The following KDM5A variants were observed in gnomAD, a reference collection of about 807,000 sequenced individuals.
KDM5A encodes the protein lysine demethylase 5A.
A neutral mutation model predicts 193.5 loss-of-function variants in KDM5A; 42 were observed. That is an observed-to-expected ratio of 0.22 (90% CI 0.17 to 0.28). The LOEUF (loss-of-function observed/expected upper bound fraction) is 0.28. Among genes scored for constraint, KDM5A ranks in the 10% least tolerant of loss-of-function variants. KDM5A has a pLI of 1.00. For missense variants in KDM5A, 1,692 were observed against 2,055.1 expected (o/e 0.82, Z 3.42); for synonymous variants, 796 against 718.1 (o/e 1.11, Z -1.73).
chr12:352,291 C>G lies in KDM5A; in HGVS notation c.1063G>C (p.Glu355Gln). The G allele has an allele frequency of 1.9e-6, 3 of 1,613,190 alleles. No individual in the cohort carries two copies. Among genetic ancestry groups the G allele is most frequent in the Non-Finnish European group, 2.5e-6 (3 of 1,179,288 alleles). The change falls in exon 9 of 28, where the codon GAA becomes CAA. Residue 355 changes from glutamate (E) to glutamine (Q), a missense_variant. By Grantham distance (29) the Glu-to-Gln change is conservative. Coordinates refer to ENST00000399788, the MANE Select transcript of KDM5A (RefSeq NM_001042603.3). ...CSKPREAFGFEQAVREYTLQS... is the reference protein window; with the variant it reads ...CSKPREAFGFQQAVREYTLQS... ...AGTGTATACTCTCGTACAGCTTGTT[C>G]AAATCCAAAGGCTTCTCGAGGTTTG...
chr12:354,283 A>T, intron 7 of KDM5A, 49 bp from the exon 8 acceptor site: 1 of 1,340,560 alleles, frequency 7.5e-7, no homozygotes, highest in Non-Finnish European at 1.0e-6. Context: ...ATAAATAATA[A>T]ATTTTTACCA....
intron 6 of KDM5A, 43 bp from the exon 7 acceptor site, chr12:355,292 G>T (rs774004347): frequency 3.8e-6 from 4 of 1,065,762 alleles, no homozygotes; most frequent in African/African-American, 1.6e-5. Flanking sequence ...AACCAATGTT[G>T]AGAGCTTACT....
Position 301,943 on chromosome 12 carries a change from T to C in KDM5A, c.4075-4743A>G, listed in dbSNP as rs151122558. On this transcript the variant is annotated intron_variant, in intron 24 of 27. Coordinates refer to ENST00000399788, the MANE Select transcript of KDM5A (RefSeq NM_001042603.3). ...CACAATTGCTACAAAAAGAATAAAA[T>C]ACCTAGGAATACAACTTACAAAGGA... Among the ~76,000 whole-genome samples, 81 of 151,960 alleles carry C rather than the reference T, an allele frequency of 5.3e-4. No individual in the cohort carries two copies. The East Asian group carries it at 0.015, about 29-fold the overall frequency.
At chr12:362,555 A>G (rs1270359852) in intron 5 of KDM5A, among the ~76,000 whole-genome samples, 2 of 152,228 alleles carry the variant, frequency 1.3e-5, no homozygotes, top group East Asian at 1.9e-4. Flanking sequence ...ATTCACCAGC[A>G]TGTCTATAAA....
chr12:300,545 G>GA (rs1300869050), intron 24 of KDM5A, among the ~76,000 whole-genome samples: 6 of 152,162 alleles, frequency 3.9e-5, no homozygotes, highest in African/African-American at 1.4e-4. Flanking sequence ...TGTGTAGAGG[G>GA]AAATTTATAG....
At chr12:383,157 T>C (rs1591943643) in intron 3 of KDM5A, among the ~76,000 whole-genome samples, 1 of 151,986 alleles carries the variant, frequency 6.6e-6, no homozygotes, top group Non-Finnish European at 1.5e-5. Context: ...TTAACAAAAC[T>C]AATATATACC....
In KDM5A at chr12:292,975, T is replaced by C. The variant is rs1323462779; in HGVS notation, c.4650A>G (p.Lys1550=). 1 of 1,612,292 alleles carries C rather than the reference T, an allele frequency of 6.2e-7. No individual in the cohort carries two copies. The highest frequency in any genetic ancestry group is 8.5e-7 in the Non-Finnish European group (1 of 1,179,812). The change falls in exon 27 of 28, where the codon AAA becomes AAG. Residue 1550 remains lysine (K), a synonymous_variant. Transcript: ENST00000399788. The part of the protein sequence containing the change: ...LGADKSKELN[K]LAKKLAKEEE... ...CTTCTTTTGCTAGTTTCTTGGCCAG[T>C]TTATTCAGCTCCTTTGATTTGTCTG...
chr12:333,356 C>T, intron 12 of KDM5A, 131 bp downstream of exon 12: 1 of 949,380 alleles, frequency 1.1e-6, no homozygotes, highest in Non-Finnish European at 1.6e-6. Flanking sequence ...CAGGCTGAGG[C>T]TGCAATGAGC....
intron 10 of KDM5A, among the ~76,000 whole-genome samples, chr12:349,072 G>A (rs1354449437): frequency 6.7e-6 from 1 of 149,964 alleles, no homozygotes; most frequent in East Asian, 2.0e-4. Flanking sequence ...CCAGGCTGGA[G>A]TGCAATGGCG....
chr12:310,849 T>G (rs1166073870), intron 21 of KDM5A, 36 bp downstream of exon 21: 1 of 1,603,092 alleles, frequency 6.2e-7, no homozygotes. Flanking sequence ...CTACTTAAAT[T>G]ATCAGCTGCT....
Position 289,907 on chromosome 12 carries a change from C to CTTTTTTTTTTTTTTTTTTTTTT in KDM5A, c.4866+2830_4866+2851dup, listed in dbSNP as rs750918968. On this transcript the variant is annotated intron_variant, in intron 27 of 27. Transcript: ENST00000399788. ...AAAAAGCATGATTTTTTCTTTCTTT[C>CTTTTTTTTTTTTTTTTTTTTTT]TTTTTTTTTTTTTTTTTTTTTTTAC... Among the ~76,000 whole-genome samples, 30 of 99,642 alleles carry CTTTTTTTTTTTTTTTTTTTTTT rather than the reference C, an allele frequency of 3.0e-4. 1 individual carries two copies. The East Asian group carries it at 3.1e-3, about 10-fold the overall frequency. The allele number at this position is 99,642 out of a possible 152,430, so 65.4% of individuals were successfully genotyped here. A position where few individuals can be genotyped will look rare whatever the true frequency, so the allele number is the denominator to read the frequency against.
intron 24 of KDM5A, among the ~76,000 whole-genome samples, chr12:303,216 T>C (rs1943466196): frequency 6.6e-6 from 1 of 152,160 alleles, no homozygotes; most frequent in Non-Finnish European, 1.5e-5. Context: ...TGCACACATA[T>C]GTTTACTGCA....
At position 313,475 on chromosome 12, in the gene KDM5A, G is replaced by C. The variant is rs762638563; in HGVS notation, c.2898-281C>G. Reference sequence around the variant, plus strand: ...AAAAGTTATTTTCCCCGGTCATTTAGTGTAATAAAGGACACATCTGAAATA... The same window carrying C: ...AAAAGTTATTTTCCCCGGTCATTTACTGTAATAAAGGACACATCTGAAATA... On this transcript the variant is annotated intron_variant, in intron 19 of 27. Coordinates refer to ENST00000399788, the MANE Select transcript of KDM5A (RefSeq NM_001042603.3). Among the ~76,000 whole-genome samples the C allele has an allele frequency of 1.2e-3, 178 of 152,142 alleles. 4 individuals are homozygous for C. Among genetic ancestry groups the C allele is most frequent in the Non-Finnish European group, 1.8e-4 (12 of 68,036 alleles).
At chr12:331,761 G>A in intron 13 of KDM5A, 58 bp downstream of exon 13, 1 of 1,605,144 alleles carries the variant, frequency 6.2e-7, no homozygotes, top group Non-Finnish European at 8.5e-7. Context: ...CAACTAAGCT[G>A]CTTTATATTT....
At position 310,926 on chromosome 12, in the gene KDM5A, G is replaced by A. The variant is rs760930800; in HGVS notation, c.3175C>T (p.Arg1059Trp). 23 of 1,613,998 alleles carry A rather than the reference G, an allele frequency of 1.4e-5. No individual in the cohort carries two copies. The highest frequency in any genetic ancestry group is 1.4e-5 in the Non-Finnish European group (17 of 1,180,016). The change falls in exon 21 of 28, where the codon CGG (arginine) becomes TGG (tryptophan). Residue 1059 changes from arginine to tryptophan, a missense_variant. This residue lies in a region of KDM5A where 965 missense variants were observed against 1,061.0 expected (regional missense o/e 0.91). Transcript: ENST00000399788. Reference protein sequence around the residue: ...AARAWRERTGRTFLKKNSSHT... With the variant: ...AARAWRERTGWTFLKKNSSHT... ...CTAGAATTCTTCTTAAGAAACGTCC[G>A]CCCAGTCCGTTCTCTCCATGCCCGT...
In KDM5A at chr12:361,740, C is replaced by G. The variant is rs139296074; in HGVS notation, c.672+1223G>C. Among the ~76,000 whole-genome samples, 290 of 152,258 alleles carry G rather than the reference C, an allele frequency of 1.9e-3. 1 individual carries two copies. The highest frequency in any genetic ancestry group is 6.9e-3 in the African/African-American group (285 of 41,560). On this transcript the variant is annotated intron_variant, in intron 5 of 27. Coordinates refer to ENST00000399788, the MANE Select transcript of KDM5A (RefSeq NM_001042603.3). ...AGACCAATCACACTAATAAAAATGA[C>G]TTAATGACTAAACCAGAGTTTACTA...
chr12:335,243 T>C (rs1248464953), intron 10 of KDM5A, among the ~76,000 whole-genome samples: 4 of 152,218 alleles, frequency 2.6e-5, no homozygotes, highest in East Asian at 1.9e-4. Context: ...TACTTGGATA[T>C]TGGCACCGGA....
Position 283,156 on chromosome 12 carries a change from A to C in KDM5A, c.*2300T>G, listed in dbSNP as rs1943175839. The C allele has an allele frequency of 4.3e-6, 1 of 231,294 alleles. No homozygotes were observed. Among genetic ancestry groups the C allele is most frequent in the African/African-American group, 2.2e-5 (1 of 45,380 alleles). 14.3% of individuals were successfully genotyped at this position (231,294 alleles called of 1,614,324 possible). On this transcript the variant is annotated 3_prime_UTR_variant, in exon 28 of 28. Coordinates refer to ENST00000399788, the MANE Select transcript of KDM5A (RefSeq NM_001042603.3). ...TTAGGAAGGAAAAATAAAAATTTTAAATGTATTCCAGGCATCTGTCACTTA... is the reference window on the plus strand; with the variant it reads ...TTAGGAAGGAAAAATAAAAATTTTACATGTATTCCAGGCATCTGTCACTTA...
intron 24 of KDM5A, among the ~76,000 whole-genome samples, chr12:301,339 T>A (rs1489272862): frequency 6.6e-6 from 1 of 152,212 alleles, no homozygotes; most frequent in Non-Finnish European, 1.5e-5. Flanking sequence ...CACGATCAAG[T>A]CAGCTTCGTC....
Sources: gnomAD v4.1 joint callset for allele counts (sites outside exome capture counted in the v4.1 genomes callset) on GRCh38, gnomAD v4.1.1 for gene constraint, gnomAD v4.1.1 regional missense constraint, MANE v1.5 for transcripts, NCBI Gene and HGNC (gene_info 2026-07-23, HGNC 2026-07-21) for gene names.